The following BMAL2 variants were observed in gnomAD, a reference collection of about 807,000 sequenced individuals.
The protein encoded by BMAL2 is basic helix-loop-helix ARNT-like protein 2.
chr12:27,382,321 T>A, the BMAL2 span, among the ~76,000 whole-genome samples: 1 of 152,208 alleles, frequency 6.6e-6, no homozygotes, highest in Non-Finnish European at 1.5e-5. Flanking sequence ...GATCTGAGCA[T>A]CAACCGCATT....
the BMAL2 span, among the ~76,000 whole-genome samples, chr12:27,420,019 G>GCACACAGA: frequency 6.8e-6 from 1 of 147,478 alleles, no homozygotes; most frequent in South Asian, 2.2e-4. Context: ...GTTTGCGCGT[G>GCACACAGA]CACACACACA....
chr12:27,418,215 C>A, the BMAL2 span: 1 of 1,548,924 alleles, frequency 6.5e-7, no homozygotes, highest in South Asian at 1.2e-5. Flanking sequence ...TCTTTGGGAA[C>A]TGCTGACCAT....
At chr12:27,419,845 T>C in the BMAL2 span, among the ~76,000 whole-genome samples, 2 of 152,180 alleles carry the variant, frequency 1.3e-5, no homozygotes, top group African/African-American at 4.8e-5. Flanking sequence ...TTAATTATCA[T>C]CTCCATGGTT....
At chr12:27,388,103 G>GCGCA in the BMAL2 span, among the ~76,000 whole-genome samples, 12 of 148,356 alleles carry the variant, frequency 8.1e-5, no homozygotes, top group Non-Finnish European at 9.0e-5. Flanking sequence ...ACACATGCAC[G>GCGCA]CACACACACA....
At chr12:27,338,701 A>G in the BMAL2 span, among the ~76,000 whole-genome samples, 1 of 152,232 alleles carries the variant, frequency 6.6e-6, no homozygotes, top group Non-Finnish European at 1.5e-5. Flanking sequence ...CCTGTCTTAC[A>G]CATAGGTGAG....
chr12:27,391,845 A>G, the BMAL2 span, among the ~76,000 whole-genome samples: 2 of 152,170 alleles, frequency 1.3e-5, no homozygotes, highest in East Asian at 1.9e-4. Flanking sequence ...TTTGAGGGCC[A>G]TCTGTTGCTT....
At chr12:27,403,417 T>G in the BMAL2 span, 2 of 1,459,230 alleles carry the variant, frequency 1.4e-6, no homozygotes, top group South Asian at 2.3e-5. Context: ...GAATTTCTCC[T>G]TTTGCTGTTA....
At chr12:27,368,514 C>T in the BMAL2 span, 2 of 1,405,106 alleles carry the variant, frequency 1.4e-6, no homozygotes, top group Non-Finnish European at 2.0e-6. Flanking sequence ...TTCATGGTAA[C>T]ATTTGGAGAT....
At chr12:27,404,246 C>CTGTGATATTA in the BMAL2 span, among the ~76,000 whole-genome samples, 2 of 142,238 alleles carry the variant, frequency 1.4e-5, no homozygotes, top group Non-Finnish European at 3.0e-5. Flanking sequence ...ACAGATTATA[C>CTGTGATATTA]TAATCACATT....
the BMAL2 span, chr12:27,422,987 A>G: frequency 6.6e-6 from 1 of 152,196 alleles, no homozygotes; most frequent in African/African-American, 2.4e-5. Context: ...TCCATAGACC[A>G]GTGGGCAGAT....
the BMAL2 span, among the ~76,000 whole-genome samples, chr12:27,407,010 T>C: frequency 7.2e-5 from 11 of 152,288 alleles, no homozygotes; most frequent in South Asian, 1.7e-3. Context: ...CATTACATAA[T>C]GGTAAAGGGA....
At chr12:27,336,661 T>C in the BMAL2 span, among the ~76,000 whole-genome samples, 1 of 152,134 alleles carries the variant, frequency 6.6e-6, no homozygotes, top group African/African-American at 2.4e-5. Flanking sequence ...TAAAATATTT[T>C]TAAACCTGGC....
chr12:27,386,540 C>G, the BMAL2 span, among the ~76,000 whole-genome samples: 4 of 152,170 alleles, frequency 2.6e-5, no homozygotes, highest in Non-Finnish European at 5.9e-5. Flanking sequence ...GCTTCCCTGT[C>G]CTCATTCTGC....
the BMAL2 span, among the ~76,000 whole-genome samples, chr12:27,391,904 A>C: frequency 1.3e-5 from 2 of 152,150 alleles, no homozygotes; most frequent in Non-Finnish European, 2.9e-5. Flanking sequence ...AACGTCACAT[A>C]TGAAGCTTCC....
chr12:27,386,658 C>G, the BMAL2 span, among the ~76,000 whole-genome samples: 1 of 152,156 alleles, frequency 6.6e-6, no homozygotes, highest in Non-Finnish European at 1.5e-5. Context: ...GAGACAAGGT[C>G]TGGCTCTGTT....
chr12:27,399,154 A>G, the BMAL2 span, among the ~76,000 whole-genome samples: 5 of 152,210 alleles, frequency 3.3e-5, no homozygotes, highest in East Asian at 9.6e-4. Context: ...ACAAGGTTTT[A>G]TGCATGGCTT....
At chr12:27,400,442 G>A in the BMAL2 span, 3 of 1,088,362 alleles carry the variant, frequency 2.8e-6, no homozygotes, top group South Asian at 5.0e-5. Context: ...GCATTTTATA[G>A]CACAATTATA....
the BMAL2 span, among the ~76,000 whole-genome samples, chr12:27,384,224 GGA>G: frequency 6.6e-6 from 1 of 152,102 alleles, no homozygotes; most frequent in Non-Finnish European, 1.5e-5. Context: ...CTGGGTTGGT[GGA>G]TTCCCTTACT....
the BMAL2 span, among the ~76,000 whole-genome samples, chr12:27,368,595 A>G: frequency 6.6e-6 from 1 of 152,196 alleles, no homozygotes; most frequent in Non-Finnish European, 1.5e-5. Context: ...TCCAGCTCTG[A>G]AGAAAGGTGT....
Sources: allele counts gnomAD v4.1 joint callset (sites outside exome capture counted in the v4.1 genomes callset), GRCh38; gene constraint gnomAD v4.1.1; transcripts MANE v1.5; gene names NCBI Gene and HGNC (gene_info 2026-07-23, HGNC 2026-07-21).